JAK1: variants seen among roughly 807,000 people sequenced by gnomAD.
JAK1 encodes the protein tyrosine-protein kinase JAK1.
In JAK1, 16 loss-of-function variants were observed where a neutral mutation model predicts 136.6. That is an observed-to-expected ratio of 0.12 (90% CI 0.08 to 0.18). The LOEUF is 0.18. Among genes scored for constraint, JAK1 ranks in the 10% least tolerant of loss-of-function variants. The pLI is 1.00. For synonymous variants in JAK1, 492 were observed against 519.5 expected, an observed-to-expected ratio of 0.95 and a Z score of 0.72; for missense variants, 859 against 1,450.1, an observed-to-expected ratio of 0.59 and a Z score of 6.62.
chr1:64,928,664 C>T (rs547014222), intron 1 of JAK1, among the ~76,000 whole-genome samples: 1 of 151,052 alleles, frequency 6.6e-6, no homozygotes, highest in African/African-American at 2.4e-5. Context: ...CACTTCACCC[C>T]CAAGACCTGA....
chr1:65,018,518 G>A (rs1569887522), intron 2 of JAK1, among the ~76,000 whole-genome samples: 1 of 128,782 alleles, frequency 7.8e-6, no homozygotes, highest in South Asian at 2.5e-4. Flanking sequence ...ACACACACAC[G>A]CTATCAGGAG....
chr1:64,834,628 T>C lies in JAK1; in HGVS notation c.3399A>G (p.Glu1133=), dbSNP rs1415398344. ...AGCTTGTCCGATTGGATGGTTGGAATTCCCAGCATTTCCTCATAAGTTGAT... is the reference window on the plus strand; with the variant it reads ...AGCTTGTCCGATTGGATGGTTGGAACTCCCAGCATTTCCTCATAAGTTGAT... ...EVYQLMRKCW[E]FQPSNRTSFQ... The change falls in exon 25 of 25, where the codon GAA becomes GAG. Residue 1133 remains glutamate (E), a synonymous_variant. Transcript: ENST00000342505. The C allele has an allele frequency of 3.1e-6, 5 of 1,611,810 alleles. No individual in the cohort carries two copies. The highest frequency in any genetic ancestry group is 4.2e-6 in the Non-Finnish European group (5 of 1,178,224).
intron 2 of JAK1, among the ~76,000 whole-genome samples, chr1:65,005,337 G>A (rs112466883): frequency 0.063 from 9,357 of 149,562 alleles, 362 homozygotes; most frequent in South Asian, 0.1. Context: ...AGAGCAAAAC[G>A]CCATCTCAAA....
Position 64,981,430 on chromosome 1 carries a change from T to C in JAK1, c.-78+63050A>G, listed in dbSNP as rs74080243. ...TCACCCCTGGAACGCTCGTGGCACC[T>C]GGCCCAGTGCCTCCAGGGTAAAATG... On this transcript the variant is annotated intron_variant, in intron 2 of 25. Coordinates refer to the JAK1 transcript ENST00000671954. Among the ~76,000 whole-genome samples the C allele has an allele frequency of 2.8e-3, 430 of 152,346 alleles. 3 individuals carry two copies. The highest frequency in any genetic ancestry group is 0.01 in the African/African-American group (421 of 41,580).
At chr1:64,929,117 G>T (rs920038261) in intron 1 of JAK1, among the ~76,000 whole-genome samples, 1 of 152,192 alleles carries the variant, frequency 6.6e-6, no homozygotes, top group Non-Finnish European at 1.5e-5. Context: ...TAGCACACCT[G>T]CAGTATGTTC....
intron 1 of JAK1, among the ~76,000 whole-genome samples, chr1:64,927,312 G>A (rs1036734878): frequency 6.6e-6 from 1 of 152,174 alleles, no homozygotes; most frequent in African/African-American, 2.4e-5. Context: ...GTTGATCCAT[G>A]TATTTGTTTT....
At chr1:65,045,116 GGCA>G (rs1647172729) in intron 1 of JAK1, among the ~76,000 whole-genome samples, 2 of 152,194 alleles carry the variant, frequency 1.3e-5, no homozygotes, top group African/African-American at 4.8e-5. Flanking sequence ...ACTGGGTCTT[GGCA>G]GTGCCTGTCA....
chr1:64,853,414 A>G (rs1373928412), intron 11 of JAK1, among the ~76,000 whole-genome samples: 1 of 152,184 alleles, frequency 6.6e-6, no homozygotes, highest in Non-Finnish European at 1.5e-5. Flanking sequence ...GTGAGTTCAA[A>G]TCCCCACTCA....
At chr1:65,003,451 C>T (rs1466511807) in intron 2 of JAK1, 1 of 152,026 alleles carries the variant, frequency 6.6e-6, no homozygotes. Context: ...GGGAATGATG[C>T]TTAAAAGCAG....
At chr1:65,007,247 C>T (rs527238201) in intron 2 of JAK1, among the ~76,000 whole-genome samples, 5 of 152,242 alleles carry the variant, frequency 3.3e-5, no homozygotes, top group South Asian at 4.1e-4. Flanking sequence ...GAAGAAGATC[C>T]GGGTGCCATA....
Position 64,844,781 on chromosome 1 carries a change from T to C in JAK1, c.2224A>G (p.Ile742Val). ...TGCCTAGACAGCACCGTAATGGGGA[T>C]GCCGGGGTCACTGAGCTTGATGAAT... ...GPFIKLSDPG[I>V]PITVLSRQEC... Residue 742 changes from isoleucine (I) to valine (V), a missense_variant, in exon 16 of 25, where the codon ATC becomes GTC. This residue lies in a region of JAK1 where 409 missense variants were observed against 753.8 expected (regional missense o/e 0.54). Transcript: ENST00000342505. The surrounding 1 kb of genome is among the most constrained non-coding windows in gnomAD (Gnocchi z 5.7). 2 of 1,614,176 alleles carry C rather than the reference T, an allele frequency of 1.2e-6. No individual in the cohort carries two copies. Among genetic ancestry groups the C allele is most frequent in the Non-Finnish European group, 1.7e-6 (2 of 1,180,036 alleles).
At position 64,860,274 on chromosome 1, in the gene JAK1, G is replaced by A. The variant is rs752145156; in HGVS notation, c.1177-12C>T. 6.3e-7 allele frequency: 1 copy of A among 1,595,956 alleles called. No individual in the cohort carries two copies. The highest frequency in any genetic ancestry group is 1.3e-5 in the African/African-American group (1 of 74,614). ...GAGAGCTTCAGTTCCTGTTGAGAGAGAAGAAATTCCCACGGTTACATCATG... is the reference window on the plus strand; with the variant it reads ...GAGAGCTTCAGTTCCTGTTGAGAGAAAAGAAATTCCCACGGTTACATCATG... On this transcript the variant is annotated splice_polypyrimidine_tract_variant and intron_variant, in intron 8 of 24. Transcript: ENST00000342505.
At chr1:64,996,441 C>G (rs1224470250) in intron 2 of JAK1, among the ~76,000 whole-genome samples, 1 of 152,010 alleles carries the variant, frequency 6.6e-6, no homozygotes, top group Admixed American at 6.6e-5. Flanking sequence ...TGATATTTCC[C>G]GAATTAAAAA....
At chr1:64,893,772 C>T (rs1190057224) in intron 1 of JAK1, among the ~76,000 whole-genome samples, 2 of 152,180 alleles carry the variant, frequency 1.3e-5, no homozygotes, top group Non-Finnish European at 1.5e-5. Flanking sequence ...CCTAACATAG[C>T]TCATTTTTTA....
At chr1:65,052,706 T>C (rs1337248427) in intron 1 of JAK1, among the ~76,000 whole-genome samples, 4 of 151,448 alleles carry the variant, frequency 2.6e-5, no homozygotes, top group African/African-American at 9.7e-5. Context: ...TCCAGCTACT[T>C]GGGAGGCTGA....
At chr1:65,027,216 T>C (rs1445468053) in intron 2 of JAK1, among the ~76,000 whole-genome samples, 1 of 151,608 alleles carries the variant, frequency 6.6e-6, no homozygotes, top group Non-Finnish European at 1.5e-5. Context: ...CTGGCTAATT[T>C]ACCACACCTG....
rs768162186 is a variant in JAK1, at chr1:64,838,602, A to C, written c.2843-13T>G. On this transcript the variant is annotated splice_polypyrimidine_tract_variant and intron_variant, in intron 20 of 24. Coordinates refer to ENST00000342505, the MANE Select transcript of JAK1 (RefSeq NM_002227.4). Reference sequence around the variant, plus strand: ...ATACCATTTCCTCCTGTTTAGAAAAAACATCCATCAGTCTGAGGCTGCCAA... The same window carrying C: ...ATACCATTTCCTCCTGTTTAGAAAACACATCCATCAGTCTGAGGCTGCCAA... 8.7e-6 allele frequency: 14 copies of C among 1,612,124 alleles called. No individual in the cohort carries two copies. Among genetic ancestry groups the C allele is most frequent in the Non-Finnish European group, 2.5e-6 (3 of 1,179,896 alleles).
intron 22 of JAK1, 42 bp downstream of exon 22, chr1:64,837,888 ACT>A (rs769231037): frequency 2.6e-6 from 4 of 1,543,162 alleles, no homozygotes; most frequent in Non-Finnish European, 3.6e-6. Flanking sequence ...AACAGTGTAA[ACT>A]CTATGAAGCA....
chr1:64,945,828 A>C (rs1285630259), intron 1 of JAK1, among the ~76,000 whole-genome samples: 1 of 151,892 alleles, frequency 6.6e-6, no homozygotes, highest in African/African-American at 2.4e-5. Flanking sequence ...TCCAGGGTTC[A>C]AGCCATCCTC....
Sources: allele counts gnomAD v4.1 joint callset (sites outside exome capture counted in the v4.1 genomes callset), GRCh38; gene constraint gnomAD v4.1.1; regional missense constraint gnomAD v4.1.1; non-coding constraint Gnocchi (gnomAD v3.1); transcripts MANE v1.5; gene names NCBI Gene and HGNC (gene_info 2026-07-23, HGNC 2026-07-21).